YBEY: variants seen among roughly 807,000 people sequenced by gnomAD.
The protein encoded by YBEY is endoribonuclease YbeY.
In YBEY, 15 loss-of-function variants were observed where a neutral mutation model predicts 13.5. That is an observed-to-expected ratio of 1.11 (90% CI 0.75 to 1.72). The LOEUF (loss-of-function observed/expected upper bound fraction) is 1.72, where lower values mean the gene tolerates loss of function less well. Ranked by LOEUF, YBEY falls within the 40% of genes most tolerant of loss-of-function variation. The pLI is 0.00. For synonymous variants in YBEY, 101 were observed against 83.1 expected (o/e 1.21, Z -1.17); for missense variants, 244 against 208.4 (o/e 1.17, Z -1.05).
At chr21:46,310,367 T>G in the YBEY span, among the ~76,000 whole-genome samples, 1 of 151,528 alleles carries the variant, frequency 6.6e-6, no homozygotes, top group Non-Finnish European at 1.5e-5. Flanking sequence ...TAATCCCAGC[T>G]ACTCGAGAGG....
chr21:46,291,019 GAAAAAA>G (rs1232426831), intron 2 of YBEY, among the ~76,000 whole-genome samples: 1 of 130,002 alleles, frequency 7.7e-6, no homozygotes, highest in Admixed American at 7.8e-5. Context: ...TCTGTCTCAG[GAAAAAA>G]AAAAAAAAAA....
At chr21:46,312,851 C>G in the YBEY span, among the ~76,000 whole-genome samples, 1 of 152,296 alleles carries the variant, frequency 6.6e-6, no homozygotes, top group African/African-American at 2.4e-5. Flanking sequence ...TCCCAGCCCC[C>G]ATAACAACTT....
intron 3 of YBEY, chr21:46,291,818 C>T: frequency 9.3e-7 from 1 of 1,075,650 alleles, no homozygotes; most frequent in Non-Finnish European, 1.1e-6. Context: ...CCTTCCAGAT[C>T]TGTTTCTCCT....
downstream of YBEY, chr21:46,301,193 G>T: frequency 5.1e-6 from 3 of 584,834 alleles, no homozygotes; most frequent in Non-Finnish European, 6.5e-6. Context: ...CCAGGCTATA[G>T]TGCAGTGGTT....
chr21:46,309,945 C>G, the YBEY span, among the ~76,000 whole-genome samples: 3 of 151,974 alleles, frequency 2.0e-5, no homozygotes, highest in African/African-American at 7.2e-5. Context: ...TGCAGTGAGC[C>G]GAGATCACGC....
At chr21:46,298,585 T>A (rs573962801), downstream of YBEY, among the ~76,000 whole-genome samples, 19 of 149,816 alleles carry the variant, frequency 1.3e-4, no homozygotes, top group East Asian at 2.0e-4. Context: ...GCCCGCCACC[T>A]CGCCCGGCTA....
At chr21:46,292,607 CG>C (rs1569099031) in intron 3 of YBEY, among the ~76,000 whole-genome samples, 2 of 122,966 alleles carry the variant, frequency 1.6e-5, no homozygotes, top group Non-Finnish European at 3.4e-5. Context: ...GACCCGTGCC[CG>C]GGACTCAGTG....
At chr21:46,302,362 G>GAGCAGTCTGCAGGGCATCGTCCGGCCGGT, downstream of YBEY, 1 of 1,084,560 alleles carries the variant, frequency 9.2e-7, no homozygotes, top group African/African-American at 1.6e-5. Flanking sequence ...GGGCTTCACA[G>GAGCAGTCTGCAGGGCATCGTCCGGCCGGT]CCAGACTGTA....
intron 2 of YBEY, among the ~76,000 whole-genome samples, chr21:46,288,413 C>T (rs1039091559): frequency 6.6e-6 from 1 of 152,224 alleles, no homozygotes; most frequent in South Asian, 2.1e-4. Context: ...TGCAGTGGCT[C>T]ACGCCTGTAA....
chr21:46,298,909 A>G (rs1797191612), downstream of YBEY, among the ~76,000 whole-genome samples: 1 of 151,738 alleles, frequency 6.6e-6, no homozygotes, highest in Non-Finnish European at 1.5e-5. Flanking sequence ...TTCTGTAGAG[A>G]CAGGGTTTCG....
downstream of YBEY, chr21:46,301,126 C>T (rs1490503701): frequency 1.0e-6 from 1 of 973,708 alleles, no homozygotes; most frequent in Middle Eastern, 5.2e-4. Context: ...ACGTCATACA[C>T]AGCTTGCTTC....
downstream of YBEY, among the ~76,000 whole-genome samples, chr21:46,298,354 C>T (rs1569107064): frequency 6.6e-6 from 1 of 151,982 alleles, no homozygotes; most frequent in African/African-American, 2.4e-5. Context: ...CGGTGAAGAG[C>T]GTTCTGTTTA....
chr21:46,293,452 G>A (rs377454112), intron 3 of YBEY, among the ~76,000 whole-genome samples: 93 of 19,976 alleles, frequency 4.7e-3, no homozygotes, highest in East Asian at 0.02. Context: ...ACACAAGTTA[G>A]ACTCTAGATT....
At chr21:46,287,576 T>C (rs570166542) in intron 2 of YBEY, among the ~76,000 whole-genome samples, 1 of 152,288 alleles carries the variant, frequency 6.6e-6, no homozygotes, top group East Asian at 1.9e-4. Flanking sequence ...GACATGATTT[T>C]TAATTTTAAT....
chr21:46,286,968 C>A lies in YBEY; in HGVS notation c.55C>A (p.Leu19Ile), dbSNP rs2081462006. ...AGTCATCCCCATCAGGAGAGCGCCACTTCGCAGTAAGATCGAGATTGTAAG... is the reference window on the plus strand; with the variant it reads ...AGTCATCCCCATCAGGAGAGCGCCAATTCGCAGTAAGATCGAGATTGTAAG... ...QRVIPIRRAP[L>I]RSKIEIVRRI... is the part of the protein sequence containing the mutation. The change falls in exon 2 of 5, where the codon CTT (leucine) becomes ATT (isoleucine). Residue 19 changes from leucine to isoleucine, a missense_variant. Coordinates refer to ENST00000397701, the MANE Select transcript of YBEY (RefSeq NM_001314025.2). The A allele has an allele frequency of 6.2e-7, 1 of 1,614,076 alleles. No individual in the cohort carries two copies. Among genetic ancestry groups the A allele is most frequent in the Non-Finnish European group, 8.5e-7 (1 of 1,180,028 alleles).
intron 2 of YBEY, 142 bp from the exon 3 acceptor site, chr21:46,291,192 C>T (rs796946375): frequency 8.9e-6 from 9 of 1,012,100 alleles, no homozygotes; most frequent in Admixed American, 4.0e-5. Context: ...AGTGAAACTC[C>T]GTCTCAAAAA....
At chr21:46,311,114 C>A in the YBEY span, among the ~76,000 whole-genome samples, 1 of 152,106 alleles carries the variant, frequency 6.6e-6, no homozygotes, top group East Asian at 1.9e-4. Context: ...TCAGGTAATC[C>A]ACCCGCCTCA....
rs532588036 is a variant in YBEY, at chr21:46,295,140, C to G, written c.340-1022C>G. ...TTCCATTTTCCCCAAACCTAAGATT[C>G]TGTTCCCTGGTCTTCCCCTGGCATT... On this transcript the variant is annotated intron_variant, in intron 3 of 4. Coordinates refer to ENST00000397701, the MANE Select transcript of YBEY (RefSeq NM_001314025.2). Among the ~76,000 whole-genome samples the G allele has an allele frequency of 2.0e-5, 3 of 152,276 alleles. No individual in the cohort carries two copies. In the East Asian group the frequency reaches 5.8e-4, roughly 29 times the overall value.
the YBEY span, among the ~76,000 whole-genome samples, chr21:46,310,180 T>C: frequency 4.6e-5 from 7 of 151,936 alleles, no homozygotes; most frequent in African/African-American, 9.7e-5. Flanking sequence ...TATATGTATA[T>C]GTTAAAACTT....
Sources: allele counts gnomAD v4.1 joint callset (sites outside exome capture counted in the v4.1 genomes callset), GRCh38; gene constraint gnomAD v4.1.1; transcripts MANE v1.5; gene names NCBI Gene and HGNC (gene_info 2026-07-23, HGNC 2026-07-21).